Variants in AK9 observed in about 807,000 individuals in gnomAD.
AK9 encodes adenylate kinase 9.
In AK9, 191 loss-of-function variants were observed where a neutral mutation model predicts 239.6. The ratio of observed to expected loss-of-function variants is 0.80; its 90% CI spans 0.71 to 0.90. The LOEUF (loss-of-function observed/expected upper bound fraction) is 0.90. Ranked by LOEUF, AK9 falls within the 40% of genes least tolerant of loss-of-function variation. The probability of loss-of-function intolerance (pLI) is 0.00; values close to 1 mark genes in which losing one functional copy is unlikely to be tolerated. For missense variants in AK9, 1,995 were observed against 2,214.7 expected, an observed-to-expected ratio of 0.90 and a Z score of 1.99; for synonymous variants, 689 against 721.0, an observed-to-expected ratio of 0.96 and a Z score of 0.71.
At chr6:109,656,234 T>C (rs1350183527) in intron 8 of AK9, among the ~76,000 whole-genome samples, 1 of 152,246 alleles carries the variant, frequency 6.6e-6, no homozygotes, top group Non-Finnish European at 1.5e-5. Flanking sequence ...TCAGTCATCA[T>C]ACTTTTAAAA....
chr6:109,577,835 C>T (rs1011830470), intron 20 of AK9, among the ~76,000 whole-genome samples: 4 of 150,552 alleles, frequency 2.7e-5, no homozygotes, highest in African/African-American at 9.8e-5. Flanking sequence ...ATATCTCCTT[C>T]CTTCCTTCCT....
At chr6:109,655,746 G>C (rs1433568785) in intron 8 of AK9, among the ~76,000 whole-genome samples, 1 of 152,110 alleles carries the variant, frequency 6.6e-6, no homozygotes, top group Non-Finnish European at 1.5e-5. Flanking sequence ...TTCTAATTTG[G>C]CTTTATTTCA....
At chr6:109,615,125 T>G (rs1162212716) in intron 13 of AK9, among the ~76,000 whole-genome samples, 1 of 152,186 alleles carries the variant, frequency 6.6e-6, no homozygotes, top group Non-Finnish European at 1.5e-5. Context: ...ACTTCCTGCC[T>G]TGGTCCAGGT....
chr6:109,497,779 T>G lies in AK9; in HGVS notation c.5216+17A>C. 2.5e-6 allele frequency: 4 copies of G among 1,606,078 alleles called. No individual in the cohort carries two copies. Among genetic ancestry groups the G allele is most frequent in the Non-Finnish European group, 3.4e-6 (4 of 1,173,764 alleles). ...GTAGCAATATCATTCTATACTTCCA[T>G]GAAGGCCAGGACTTGCCTTTGGTTT... On this transcript the variant is annotated intron_variant, in intron 37 of 40. Coordinates refer to ENST00000424296, the MANE Select transcript of AK9 (RefSeq NM_001145128.3).
chr6:109,546,482 A>G (rs1783583199), intron 25 of AK9, among the ~76,000 whole-genome samples: 1 of 152,252 alleles, frequency 6.6e-6, no homozygotes, highest in African/African-American at 2.4e-5. Context: ...ATCAAACAGA[A>G]AGCCCACTAA....
intron 19 of AK9, among the ~76,000 whole-genome samples, chr6:109,581,159 C>T (rs1788810173): frequency 6.6e-6 from 1 of 152,094 alleles, no homozygotes; most frequent in Non-Finnish European, 1.5e-5. Context: ...CCTCCCTCTC[C>T]TCAGGCCTCC....
At chr6:109,657,068 G>A (rs1322613392) in intron 7 of AK9, among the ~76,000 whole-genome samples, 184 bp from the exon 8 acceptor site, 2 of 152,134 alleles carry the variant, frequency 1.3e-5, no homozygotes, top group Non-Finnish European at 2.9e-5. Context: ...TCATCAGATG[G>A]AATAAAGCTT....
Position 109,660,023 on chromosome 6 carries a change from G to A in AK9, c.445-610C>T, listed in dbSNP as rs75478857. Among the ~76,000 whole-genome samples, 336 of 152,218 alleles carry A rather than the reference G, an allele frequency of 2.2e-3. 3 individuals carry two copies. The highest frequency in any genetic ancestry group is 7.9e-3 in the African/African-American group (327 of 41,542). Reference sequence around the variant, plus strand: ...TGTTCCAAAGTGCTTTCACTCGTGCGATTTTACTGAATTCTCAACTAACCC... The same window carrying A: ...TGTTCCAAAGTGCTTTCACTCGTGCAATTTTACTGAATTCTCAACTAACCC... On this transcript the variant is annotated intron_variant, in intron 6 of 40. Transcript: ENST00000424296.
At chr6:109,653,187 A>C (rs909285348) in intron 8 of AK9, among the ~76,000 whole-genome samples, 1 of 152,154 alleles carries the variant, frequency 6.6e-6, no homozygotes, top group African/African-American at 2.4e-5. Flanking sequence ...TCCGCCTCCC[A>C]AAGTACTGGG....
rs1475818022 is a variant in AK9, at chr6:109,573,578, A to G, written c.2208T>C (p.Asp736=). The G allele has an allele frequency of 9.7e-6, 15 of 1,548,084 alleles. No individual in the cohort carries two copies. The highest frequency in any genetic ancestry group is 1.0e-5 in the Non-Finnish European group (12 of 1,145,814). Residue 736 remains aspartate, a synonymous_variant, in exon 21 of 41, where the codon GAT becomes GAC. Coordinates refer to ENST00000424296, the MANE Select transcript of AK9 (RefSeq NM_001145128.3). ...CTTCAATCTCCTCTTCATCCTCATT[A>G]TCAGTCTCTTCAGCTTCTAAAAAAA... ...KVKAKEAEET[D]NEDEEEIEGD...
chr6:109,672,829 T>C (rs1187434017), intron 3 of AK9, among the ~76,000 whole-genome samples: 1 of 152,262 alleles, frequency 6.6e-6, no homozygotes, highest in Non-Finnish European at 1.5e-5. Context: ...CAGTGATTTC[T>C]AAATCATTTA....
intron 3 of AK9, among the ~76,000 whole-genome samples, chr6:109,673,700 C>T (rs889367410): frequency 1.3e-5 from 2 of 152,042 alleles, no homozygotes; most frequent in Non-Finnish European, 2.9e-5. Context: ...GACACCCAAA[C>T]ACACATATCC....
intron 17 of AK9, among the ~76,000 whole-genome samples, chr6:109,607,598 T>C (rs1793046580): frequency 6.6e-6 from 1 of 152,194 alleles, no homozygotes; most frequent in Non-Finnish European, 1.5e-5. Flanking sequence ...TTCTGGTATC[T>C]GTGAGGGTCA....
chr6:109,574,942 A>T (rs1787870860), intron 20 of AK9, among the ~76,000 whole-genome samples: 1 of 152,150 alleles, frequency 6.6e-6, no homozygotes, highest in Admixed American at 6.5e-5. Flanking sequence ...CTCACTTATA[A>T]GTGAGAACAT....
intron 27 of AK9, among the ~76,000 whole-genome samples, chr6:109,540,394 C>T (rs1223576038): frequency 6.6e-6 from 1 of 152,198 alleles, no homozygotes; most frequent in South Asian, 2.1e-4. Flanking sequence ...GTGTGGGACC[C>T]TCTGAGTCAG....
At chr6:109,688,847 T>C (rs376629798) in intron 1 of AK9, among the ~76,000 whole-genome samples, 16 of 152,246 alleles carry the variant, frequency 1.1e-4, no homozygotes, top group Admixed American at 6.5e-4. Flanking sequence ...TGCTATGTGA[T>C]TGGATGAGAT....
chr6:109,668,835 G>A lies in AK9; in HGVS notation c.331+3084C>T, dbSNP rs1281468338. On this transcript the variant is annotated intron_variant, in intron 5 of 40. Coordinates refer to ENST00000424296, the MANE Select transcript of AK9 (RefSeq NM_001145128.3). ...ATAGTTTGAAGTCAGGTAGCGTGACGCCTCCAGCTTTGTTCTTTTGGCTTA... is the reference window on the plus strand; with the variant it reads ...ATAGTTTGAAGTCAGGTAGCGTGACACCTCCAGCTTTGTTCTTTTGGCTTA... Among the ~76,000 whole-genome samples, 4 of 91,786 alleles carry A rather than the reference G, an allele frequency of 4.4e-5. 2 individuals are homozygous for A. Among genetic ancestry groups the A allele is most frequent in the Admixed American group, 2.8e-4 (2 of 7,242 alleles). 60.2% of individuals were successfully genotyped at this position (91,786 alleles called of 152,430 possible). A position where few individuals can be genotyped will look rare whatever the true frequency, so the allele number is the denominator to read the frequency against.
intron 5 of AK9, among the ~76,000 whole-genome samples, chr6:109,664,322 G>C (rs1800864163): frequency 6.6e-6 from 1 of 152,120 alleles, no homozygotes; most frequent in African/African-American, 2.4e-5. Flanking sequence ...AATAAAAAAA[G>C]TTACCAAGCA....
intron 29 of AK9, chr6:109,527,950 T>A (rs1780724605): frequency 6.6e-6 from 1 of 152,214 alleles, no homozygotes; most frequent in Non-Finnish European, 1.5e-5. Context: ...AAACTAAATG[T>A]ATTAATTTTT....
Sources: gnomAD v4.1 joint callset for allele counts (sites outside exome capture counted in the v4.1 genomes callset) on GRCh38, gnomAD v4.1.1 for gene constraint, MANE v1.5 for transcripts, NCBI Gene and HGNC (gene_info 2026-07-23, HGNC 2026-07-21) for gene names.